PLS1: variants seen among roughly 807,000 people sequenced by gnomAD.
The protein encoded by PLS1 is plastin-1.
A neutral mutation model predicts 73.7 loss-of-function variants in PLS1; 32 were observed. The ratio of observed to expected loss-of-function variants is 0.43; its 90% CI spans 0.33 to 0.58. The LOEUF is 0.58. Among genes scored for constraint, PLS1 ranks in the 20% least tolerant of loss-of-function variants. The pLI is 0.04. For missense variants in PLS1, 633 were observed against 740.5 expected, an observed-to-expected ratio of 0.85 and a Z score of 1.68; for synonymous variants, 217 against 261.3, an observed-to-expected ratio of 0.83 and a Z score of 1.63.
chr3:142,678,113 T>C lies in PLS1; in HGVS notation c.579T>C (p.Ser193=), dbSNP rs1182202673. 2 of 1,461,666 alleles carry C rather than the reference T, an allele frequency of 1.4e-6. No individual in the cohort carries two copies. Among genetic ancestry groups the C allele is most frequent in the Non-Finnish European group, 1.9e-6 (2 of 1,067,342 alleles). The allele number at this position is 1,461,666 out of a possible 1,614,324, so 90.5% of individuals were successfully genotyped here. The change falls in exon 6 of 16, where the codon TCT becomes TCC. Residue 193 remains serine (S), a splice_region_variant and synonymous_variant. Transcript: ENST00000457734. ...NKKKLTPFTI[S]ENLNLALNSA... is the part of the protein sequence containing the mutation. The stretch of plus-strand genomic sequence containing the variant: ...AAAAGCTCACGCCATTCACTATTTC[T>C]GTAAGTATTTGCCCTTTGCTTATTA...
chr3:142,698,601 A>T (rs1366743198), intron 12 of PLS1, among the ~76,000 whole-genome samples: 3 of 152,192 alleles, frequency 2.0e-5, no homozygotes, highest in Admixed American at 6.5e-5. Context: ...TAGTAATAGC[A>T]AAATGGGAAA....
chr3:142,688,075 G>A (rs1157849313), intron 9 of PLS1, among the ~76,000 whole-genome samples: 1 of 151,762 alleles, frequency 6.6e-6, no homozygotes, highest in African/African-American at 2.4e-5. Flanking sequence ...CACTTCCTGA[G>A]TAGCTGGGAT....
chr3:142,686,261 C>T, intron 8 of PLS1, 23 bp from the exon 9 acceptor site: 2 of 1,360,744 alleles, frequency 1.5e-6, no homozygotes, highest in Non-Finnish European at 2.1e-6. Context: ...TTTAAAAATG[C>T]TATTTCATAT....
intron 12 of PLS1, 150 bp downstream of exon 12, chr3:142,698,217 T>G (rs2038251803): frequency 7.3e-6 from 4 of 545,850 alleles, no homozygotes; most frequent in Non-Finnish European, 1.3e-5. Context: ...CAAGTTTGCT[T>G]TAATAAATTT....
intron 11 of PLS1, among the ~76,000 whole-genome samples, chr3:142,695,951 C>A (rs766075332): frequency 6.1e-4 from 92 of 152,034 alleles, no homozygotes; most frequent in Non-Finnish European, 9.4e-4. Flanking sequence ...TGTGCCACCA[C>A]GCCCAGCTAA....
rs539357045 is a variant in PLS1, at chr3:142,681,830, A to G, written c.580-2176A>G. Among the ~76,000 whole-genome samples the G allele has an allele frequency of 7.9e-5, 12 of 152,336 alleles. 1 individual carries two copies. The highest frequency in any genetic ancestry group is 5.9e-4 in the Admixed American group (9 of 15,296). ...TAGGGCAATAATGTTGTATTTATCAAGTAGAAACTACCATTTACTTGAAAG... is the reference window on the plus strand; with the variant it reads ...TAGGGCAATAATGTTGTATTTATCAGGTAGAAACTACCATTTACTTGAAAG... On this transcript the variant is annotated intron_variant, in intron 6 of 15. Transcript: ENST00000457734.
intron 1 of PLS1, among the ~76,000 whole-genome samples, chr3:142,644,904 C>G (rs754887576): frequency 6.6e-6 from 1 of 152,152 alleles, no homozygotes; most frequent in Non-Finnish European, 1.5e-5. Flanking sequence ...CACTTTACTC[C>G]TCCAGAAGCA....
At chr3:142,641,303 TAATATA>T (rs2036834867) in intron 1 of PLS1, among the ~76,000 whole-genome samples, 1 of 146,478 alleles carries the variant, frequency 6.8e-6, no homozygotes, top group African/African-American at 2.5e-5. Context: ...TATAGATAAA[TAATATA>T]TATATTTATG....
chr3:142,666,769 T>C (rs1224519110), intron 2 of PLS1, among the ~76,000 whole-genome samples: 2 of 152,208 alleles, frequency 1.3e-5, no homozygotes, highest in Non-Finnish European at 2.9e-5. Flanking sequence ...ACCAGTGGTG[T>C]ACCAGGGTTC....
intron 1 of PLS1, among the ~76,000 whole-genome samples, chr3:142,611,070 A>C (rs2036112921): frequency 6.6e-6 from 1 of 152,224 alleles, no homozygotes; most frequent in Non-Finnish European, 1.5e-5. Context: ...TTCACGAATA[A>C]GCATAGCTGT....
At chr3:142,643,663 G>T (rs16852481) in intron 1 of PLS1, among the ~76,000 whole-genome samples, 1,759 of 152,128 alleles carry the variant, frequency 0.012, 30 homozygotes, top group African/African-American at 0.039. Context: ...AACTAGCATT[G>T]GTCTTCTAAT....
At chr3:142,608,989 G>T (rs2036072615) in intron 1 of PLS1, among the ~76,000 whole-genome samples, 1 of 152,198 alleles carries the variant, frequency 6.6e-6, no homozygotes, top group Non-Finnish European at 1.5e-5. Context: ...GAGTGTCAGA[G>T]AGGATTTAAT....
chr3:142,614,185 T>C (rs2036172545), intron 1 of PLS1, among the ~76,000 whole-genome samples: 1 of 152,202 alleles, frequency 6.6e-6, no homozygotes, highest in Non-Finnish European at 1.5e-5. Flanking sequence ...TGACTGAAGA[T>C]GGAAGCAACC....
intron 2 of PLS1, among the ~76,000 whole-genome samples, chr3:142,666,523 C>G (rs775723546): frequency 6.6e-6 from 1 of 152,100 alleles, no homozygotes; most frequent in Non-Finnish European, 1.5e-5. Context: ...TATGTATATG[C>G]CACATTTTGC....
At chr3:142,681,742 A>T (rs1460408841) in intron 6 of PLS1, among the ~76,000 whole-genome samples, 1 of 152,162 alleles carries the variant, frequency 6.6e-6, no homozygotes, top group Non-Finnish European at 1.5e-5. Context: ...TTCTCCTGTT[A>T]CTTCTTGTTC....
At chr3:142,672,098 C>A in intron 4 of PLS1, among the ~76,000 whole-genome samples, 1 of 152,122 alleles carries the variant, frequency 6.6e-6, no homozygotes, top group East Asian at 1.9e-4. Context: ...AATACACATT[C>A]AGCAAAGTGC....
chr3:142,616,134 G>T (rs2036211843), intron 1 of PLS1, among the ~76,000 whole-genome samples: 1 of 152,146 alleles, frequency 6.6e-6, no homozygotes, highest in Non-Finnish European at 1.5e-5. Context: ...GTGCAAAGAG[G>T]CCAAAGCTTC....
chr3:142,643,319 A>G (rs2036881696), intron 1 of PLS1, among the ~76,000 whole-genome samples: 2 of 152,070 alleles, frequency 1.3e-5, no homozygotes, highest in African/African-American at 4.8e-5. Flanking sequence ...AGTTAAAGGA[A>G]ATTTTGCAGT....
chr3:142,651,137 T>G (rs1019598181), intron 1 of PLS1, among the ~76,000 whole-genome samples: 3 of 152,120 alleles, frequency 2.0e-5, no homozygotes, highest in African/African-American at 7.2e-5. Context: ...TCTTTTTCTT[T>G]TTTCTTTTCT....
Sources: gnomAD v4.1 joint callset for allele counts (sites outside exome capture counted in the v4.1 genomes callset) on GRCh38, gnomAD v4.1.1 for gene constraint, MANE v1.5 for transcripts, NCBI Gene and HGNC (gene_info 2026-07-23, HGNC 2026-07-21) for gene names.